Variants in VIPR1 observed in about 807,000 individuals in gnomAD.
VIPR1 encodes vasoactive intestinal polypeptide receptor 1.
Under a neutral mutation model 58.8 loss-of-function variants are expected in VIPR1, and 59 were observed. The ratio of observed to expected loss-of-function variants is 1.00; its 90% CI spans 0.81 to 1.25. The LOEUF (loss-of-function observed/expected upper bound fraction) is 1.25, where lower values mean the gene tolerates loss of function less well. Among genes scored for constraint, VIPR1 ranks in the 50% most tolerant of loss-of-function variants. VIPR1 has a pLI of 0.00. For missense variants in VIPR1, 626 were observed against 602.7 expected (o/e 1.04, Z -0.40); for synonymous variants, 251 against 242.1 (o/e 1.04, Z -0.34).
rs1410123863 is a variant in VIPR1, at chr3:42,536,195, T to C, written c.1288T>C (p.Cys430Arg). 6.2e-7 allele frequency: 1 copy of C among 1,601,462 alleles called. No individual in the cohort carries two copies. The highest frequency in any genetic ancestry group is 8.5e-7 in the Non-Finnish European group (1 of 1,174,996). ...GTCGGGAGGCAGCAACGGCGCCACG[T>C]GCAGCACGCAGGTTTCCATGCTGAC... The part of the protein sequence containing the change: ...HPSGGSNGAT[C>R]STQVSMLTRV... The change falls in exon 13 of 13, where the codon TGC becomes CGC. Residue 430 changes from cysteine to arginine, a missense_variant. Cys to Arg is a radical substitution (Grantham distance 180). Coordinates refer to ENST00000325123, the MANE Select transcript of VIPR1 (RefSeq NM_004624.4).
In VIPR1 at chr3:42,526,005, G is replaced by A. The variant is rs368284650; in HGVS notation, c.399+12G>A. ...CGAGTTTGGATGAGGTGGGTCTCAG[G>A]GCACCCCCACCTCACCTGCAGAGCG... On this transcript the variant is annotated intron_variant, in intron 4 of 12. Coordinates refer to ENST00000325123, the MANE Select transcript of VIPR1 (RefSeq NM_004624.4). The A allele has an allele frequency of 8.5e-5, 136 of 1,605,168 alleles. No homozygotes were observed. In the African/African-American group the frequency reaches 1.7e-3, roughly 20 times the overall value.
At chr3:42,517,355 C>T (rs935068001) in intron 2 of VIPR1, among the ~76,000 whole-genome samples, 1 of 152,210 alleles carries the variant, frequency 6.6e-6, no homozygotes, top group Non-Finnish European at 1.5e-5. Flanking sequence ...TTGACTTTGG[C>T]TCAGGGGTTG....
chr3:42,529,445 A>ACAGAG (rs1177149343), intron 6 of VIPR1: 1 of 144,772 alleles, frequency 6.9e-6, no homozygotes, highest in East Asian at 2.1e-4. Flanking sequence ...AGCCTAGGTG[A>ACAGAG]CAGAGCAAGA....
chr3:42,525,387 C>G (rs1373715655), intron 3 of VIPR1, among the ~76,000 whole-genome samples: 2 of 151,420 alleles, frequency 1.3e-5, no homozygotes, highest in East Asian at 3.9e-4. Context: ...TCCTCACCCC[C>G]ACACTCCTGC....
intron 3 of VIPR1, among the ~76,000 whole-genome samples, chr3:42,524,074 C>CA (rs1486949113): frequency 6.6e-6 from 1 of 152,226 alleles, no homozygotes; most frequent in East Asian, 1.9e-4. Flanking sequence ...CTTGGCCTAC[C>CA]AAACTGCTGG....
chr3:42,491,169 T>C (rs182657907), intron 1 of VIPR1, among the ~76,000 whole-genome samples: 2 of 152,294 alleles, frequency 1.3e-5, no homozygotes, highest in African/African-American at 2.4e-5. Context: ...GGCAGAGAGA[T>C]TGAGGGGAGT....
upstream of VIPR1, chr3:42,500,196 A>G (rs540550259): frequency 2.6e-5 from 4 of 152,314 alleles, no homozygotes; most frequent in South Asian, 6.2e-4. Flanking sequence ...CTTCCCAGCC[A>G]CTCACTGCCT....
intron 3 of VIPR1, 86 bp downstream of exon 3, chr3:42,519,416 A>G: frequency 7.9e-7 from 1 of 1,263,970 alleles, no homozygotes; most frequent in Non-Finnish European, 1.1e-6. Flanking sequence ...AGGCAAAGGA[A>G]AGTGGTCAAA....
chr3:42,509,528 T>G (rs1171195971), intron 1 of VIPR1: 1 of 152,282 alleles, frequency 6.6e-6, no homozygotes, highest in Non-Finnish European at 1.5e-5. Flanking sequence ...GGGCTTTCTC[T>G]CTAGCCCCTC....
At chr3:42,527,247 C>T (rs999678357) in intron 4 of VIPR1, 146 bp from the exon 5 acceptor site, 2 of 690,342 alleles carry the variant, frequency 2.9e-6, no homozygotes, top group Non-Finnish European at 4.9e-6. Context: ...GGCTCAGCTG[C>T]TCTTGGGAGC....
chr3:42,525,767 C>G, intron 3 of VIPR1, 120 bp from the exon 4 acceptor site: 1 of 1,085,338 alleles, frequency 9.2e-7, no homozygotes, highest in South Asian at 1.6e-5. Context: ...GCAGCTGGAA[C>G]CTGACAGCAC....
rs1466039518 is a variant in VIPR1 at position 42,527,471 on chromosome 3, G to A, written c.478G>A (p.Ala160Thr). Residue 160 changes from alanine to threonine, a missense_variant, in exon 5 of 13, where the codon GCC becomes ACC. Transcript: ENST00000325123. The stretch of plus-strand genomic sequence containing the variant: ...CCTGTCCCTCGCCACCCTTCTGGTC[G>A]CCACAGCTATCCTGAGCCTGTTCAG... ...YGLSLATLLV[A>T]TAILSLFRKL... 7.4e-6 allele frequency: 12 copies of A among 1,613,772 alleles called. No individual in the cohort carries two copies. The highest frequency in any genetic ancestry group is 3.3e-5 in the Admixed American group (2 of 60,020).
At position 42,494,853 on chromosome 3, in the gene VIPR1, A is replaced by G. The variant is rs17074527; in HGVS notation, c.-245+5175A>G. ...TATTATCAGTGCAATTAAGGCTACA[A>G]ATTTTCCTCCAGTTACTAGAATGTT... On this transcript the variant is annotated intron_variant, in intron 1 of 13. Coordinates refer to the VIPR1 transcript ENST00000433647. Among the ~76,000 whole-genome samples, 455 of 152,282 alleles carry G rather than the reference A, an allele frequency of 3.0e-3. 3 individuals are homozygous for G. The highest frequency in any genetic ancestry group is 9.7e-3 in the African/African-American group (403 of 41,568).
intron 1 of VIPR1, among the ~76,000 whole-genome samples, chr3:42,510,305 G>A (rs534666450): frequency 6.6e-6 from 1 of 152,142 alleles, no homozygotes; most frequent in Non-Finnish European, 1.5e-5. Flanking sequence ...TACCCATTCT[G>A]TAGGAAGCCC....
chr3:42,524,933 T>A (rs371126885), intron 3 of VIPR1, among the ~76,000 whole-genome samples: 1 of 152,188 alleles, frequency 6.6e-6, no homozygotes, highest in Non-Finnish European at 1.5e-5. Flanking sequence ...TTAAACAGGA[T>A]GTGCCTAAAG....
intron 10 of VIPR1, chr3:42,534,311 C>T (rs973548962): frequency 6.6e-6 from 1 of 152,244 alleles, no homozygotes; most frequent in East Asian, 1.9e-4. Flanking sequence ...CCCAAGTGGC[C>T]CTGGGCATAT....
At chr3:42,519,736 G>A (rs1472302279) in intron 3 of VIPR1, among the ~76,000 whole-genome samples, 4 of 152,188 alleles carry the variant, frequency 2.6e-5, no homozygotes, top group Non-Finnish European at 5.9e-5. Context: ...TTAAATGAAT[G>A]TCCACAGAAT....
At chr3:42,509,236 G>A (rs1700256664) in intron 1 of VIPR1, 2 of 152,164 alleles carry the variant, frequency 1.3e-5, no homozygotes, top group Non-Finnish European at 2.9e-5. Context: ...GCTTCTCCTC[G>A]GAGGGACTCA....
chr3:42,526,029 C>A (rs949653393), intron 4 of VIPR1, 36 bp downstream of exon 4: 1 of 1,569,248 alleles, frequency 6.4e-7, no homozygotes, highest in Admixed American at 1.8e-5. Context: ...ACCTGCAGAG[C>A]GCCGGGGCCC....
Sources: allele counts gnomAD v4.1 joint callset (sites outside exome capture counted in the v4.1 genomes callset), GRCh38; gene constraint gnomAD v4.1.1; transcripts MANE v1.5; gene names NCBI Gene and HGNC (gene_info 2026-07-23, HGNC 2026-07-21).